Variants in THSD4 observed in about 807,000 individuals in gnomAD.
THSD4 encodes the protein thrombospondin type-1 domain-containing protein 4.
Under a neutral mutation model 119.0 loss-of-function variants are expected in THSD4, and 69 were observed. The ratio of observed to expected loss-of-function variants is 0.58; its 90% confidence interval spans 0.48 to 0.71. The LOEUF is 0.71. Ranked by LOEUF, THSD4 falls within the 30% of genes least tolerant of loss-of-function variation. THSD4 has a pLI of 0.00. For synonymous variants in THSD4, 524 were observed against 540.4 expected (o/e 0.97, Z 0.42); for missense variants, 1,393 against 1,391.1 (o/e 1.00, Z -0.02).
chr15:71,142,917 G>T (rs1010323226), intron 2 of THSD4, among the ~76,000 whole-genome samples: 1 of 152,180 alleles, frequency 6.6e-6, no homozygotes, highest in Non-Finnish European at 1.5e-5. Flanking sequence ...ACATATGATG[G>T]TGCCACAGGT....
At chr15:71,223,294 G>A (rs995355114) in intron 4 of THSD4, among the ~76,000 whole-genome samples, 2 of 152,166 alleles carry the variant, frequency 1.3e-5, no homozygotes, top group Non-Finnish European at 2.9e-5. Flanking sequence ...TTTCTAGAAA[G>A]CCCTTTTCAA....
intron 3 of THSD4, among the ~76,000 whole-genome samples, chr15:71,173,491 T>C (rs147066910): frequency 7.2e-4 from 109 of 151,640 alleles, no homozygotes; most frequent in African/African-American, 2.5e-3. Context: ...AAAATCCCAG[T>C]TGTTATTGGT....
chr15:71,151,849 T>G (rs28710783), intron 2 of THSD4, among the ~76,000 whole-genome samples: 9,017 of 152,136 alleles, frequency 0.059, 873 homozygotes, highest in African/African-American at 0.21. Context: ...AGTGAGAAGG[T>G]GAATCATTTT....
chr15:71,123,311 G>T (rs1205777282), intron 1 of THSD4, among the ~76,000 whole-genome samples: 1 of 152,230 alleles, frequency 6.6e-6, no homozygotes, highest in African/African-American at 2.4e-5. Flanking sequence ...GCAGTGCCAT[G>T]CACTGTAAAG....
At chr15:71,662,629 G>T (rs550866594) in intron 8 of THSD4, among the ~76,000 whole-genome samples, 8 of 152,072 alleles carry the variant, frequency 5.3e-5, no homozygotes, top group Non-Finnish European at 1.0e-4. Context: ...TATTCAGTAA[G>T]CAGTTTTCAA....
chr15:71,490,831 T>G (rs2047907490), intron 7 of THSD4, among the ~76,000 whole-genome samples: 1 of 152,222 alleles, frequency 6.6e-6, no homozygotes, highest in African/African-American at 2.4e-5. Flanking sequence ...AAATAAAGTT[T>G]TATTAGAATA....
chr15:71,380,994 A>G (rs1053946118), intron 6 of THSD4, among the ~76,000 whole-genome samples: 36 of 152,300 alleles, frequency 2.4e-4, no homozygotes, highest in African/African-American at 8.4e-4. Flanking sequence ...CCCATCAGGT[A>G]GTGGAAATGC....
chr15:71,708,175 G>A (rs1370209446), intron 8 of THSD4, among the ~76,000 whole-genome samples: 6 of 152,226 alleles, frequency 3.9e-5, no homozygotes, highest in Admixed American at 3.9e-4. Flanking sequence ...TGGGACTGCA[G>A]TCTGTGATTG....
At chr15:71,521,340 G>A (rs1294740948) in intron 7 of THSD4, among the ~76,000 whole-genome samples, 1 of 152,114 alleles carries the variant, frequency 6.6e-6, no homozygotes, top group African/African-American at 2.4e-5. Flanking sequence ...AATATGTGGG[G>A]TATTTTTAAA....
chr15:71,550,846 G>A (rs1203783861), intron 7 of THSD4, among the ~76,000 whole-genome samples: 1 of 152,204 alleles, frequency 6.6e-6, no homozygotes, highest in Non-Finnish European at 1.5e-5. Flanking sequence ...TTGGAATTAG[G>A]TAGTGGTGAT....
chr15:71,171,909 A>G (rs2043368728), intron 3 of THSD4, among the ~76,000 whole-genome samples: 1 of 152,232 alleles, frequency 6.6e-6, no homozygotes, highest in South Asian at 2.1e-4. Flanking sequence ...TTTATAATGC[A>G]TGTAAAATGG....
chr15:71,555,792 G>A (rs1187715831), intron 7 of THSD4, among the ~76,000 whole-genome samples: 1 of 152,138 alleles, frequency 6.6e-6, no homozygotes, highest in Non-Finnish European at 1.5e-5. Context: ...TACACTTAGA[G>A]TTAAATTTTC....
chr15:71,269,491 T>A (rs896096438), intron 6 of THSD4, among the ~76,000 whole-genome samples: 12 of 152,228 alleles, frequency 7.9e-5, no homozygotes, highest in African/African-American at 2.9e-4. Context: ...ATAGCCAATG[T>A]CATACTGAAT....
intron 7 of THSD4, among the ~76,000 whole-genome samples, chr15:71,573,327 A>G (rs2049394540): frequency 6.6e-6 from 1 of 152,202 alleles, no homozygotes; most frequent in African/African-American, 2.4e-5. Flanking sequence ...AATAGAAGAT[A>G]GGGATCCTCT....
chr15:71,369,630 G>A (rs2046015488), intron 6 of THSD4, among the ~76,000 whole-genome samples: 1 of 152,198 alleles, frequency 6.6e-6, no homozygotes. Context: ...CAGGGATGAA[G>A]CCCACTTGAT....
chr15:71,158,095 C>T (rs1007436086), intron 3 of THSD4, among the ~76,000 whole-genome samples: 2 of 151,126 alleles, frequency 1.3e-5, no homozygotes, highest in African/African-American at 2.4e-5. Flanking sequence ...ATTTACAGTC[C>T]TACCCACAGT....
chr15:71,700,846 T>C (rs1448370781), intron 8 of THSD4, among the ~76,000 whole-genome samples: 1 of 152,038 alleles, frequency 6.6e-6, no homozygotes, highest in Non-Finnish European at 1.5e-5. Context: ...TAAAAAATAA[T>C]GTTAGATCTC....
intron 6 of THSD4, among the ~76,000 whole-genome samples, chr15:71,409,378 T>G (rs2046652574): frequency 6.6e-6 from 1 of 152,082 alleles, no homozygotes; most frequent in Non-Finnish European, 1.5e-5. Context: ...AGTGAGGAGC[T>G]GGGGAGAGAG....
intron 8 of THSD4, among the ~76,000 whole-genome samples, chr15:71,720,988 T>A (rs907642379): frequency 1.3e-5 from 2 of 152,242 alleles, no homozygotes; most frequent in East Asian, 3.9e-4. Flanking sequence ...TAGATCATAG[T>A]CATGTGTCTC....
Sources: allele counts gnomAD v4.1 joint callset (sites outside exome capture counted in the v4.1 genomes callset), GRCh38; gene constraint gnomAD v4.1.1; transcripts MANE v1.5; gene names NCBI Gene and HGNC (gene_info 2026-07-23, HGNC 2026-07-21).